The following GREB1 variants were observed in gnomAD, a reference collection of about 807,000 sequenced individuals.
The protein encoded by GREB1 is protein GREB1.
A neutral mutation model predicts 200.7 loss-of-function variants in GREB1; 106 were observed. That is an observed-to-expected ratio of 0.53 (90% CI 0.45 to 0.62). The LOEUF (loss-of-function observed/expected upper bound fraction) is 0.62. Among genes scored for constraint, GREB1 ranks in the 20% least tolerant of loss-of-function variants. GREB1 has a pLI of 0.00. For synonymous variants in GREB1, 1,132 were observed against 1,092.4 expected (o/e 1.04, Z -0.72); for missense variants, 2,243 against 2,556.8 (o/e 0.88, Z 2.65).
Position 11,595,231 on chromosome 2 carries a change from G to A in GREB1, c.1697-20G>A, listed in dbSNP as rs1350386759. 6.2e-7 allele frequency: 1 copy of A among 1,606,238 alleles called. No individual in the cohort carries two copies. Among genetic ancestry groups the A allele is most frequent in the Non-Finnish European group, 8.5e-7 (1 of 1,175,502 alleles). On this transcript the variant is annotated intron_variant, in intron 11 of 32. Coordinates refer to ENST00000381486, the MANE Select transcript of GREB1 (RefSeq NM_014668.4). ...GCAGGGAAGATACAATGGGTACTGT[G>A]AAATCTGTTTGCTTTCCAGGAAAAT...
At chr2:11,523,101 A>G (rs959244339) in intron 1 of GREB1, among the ~76,000 whole-genome samples, 1 of 152,244 alleles carries the variant, frequency 6.6e-6, no homozygotes, top group Non-Finnish European at 1.5e-5. Context: ...GCTGGAGGCC[A>G]TTATCCTTAG....
At chr2:11,525,271 G>A (rs889662473) in intron 1 of GREB1, among the ~76,000 whole-genome samples, 2 of 152,094 alleles carry the variant, frequency 1.3e-5, no homozygotes, top group Non-Finnish European at 2.9e-5. Context: ...TCAGGAGGCC[G>A]AAGGGGGTGG....
At chr2:11,506,564 C>T (rs1360953799) in intron 1 of GREB1, among the ~76,000 whole-genome samples, 1 of 152,176 alleles carries the variant, frequency 6.6e-6, no homozygotes, top group East Asian at 1.9e-4. Flanking sequence ...TTCTATTAGA[C>T]CATCTGCCTT....
intron 1 of GREB1, among the ~76,000 whole-genome samples, chr2:11,500,796 T>C (rs149743503): frequency 6.4e-4 from 98 of 152,334 alleles, no homozygotes; most frequent in African/African-American, 2.3e-3. Flanking sequence ...ACTTTACATA[T>C]TGACAGCAGG....
rs1048296139 is a variant in GREB1 at position 11,600,851 on chromosome 2, G to A, written c.2385G>A (p.Val795=). ...YSQSDPSVGL[V]DRLLNCREVK... is the part of the protein sequence containing the mutation. The stretch of plus-strand genomic sequence containing the variant: ...AAAGTGACCCGTCGGTGGGATTGGT[G>A]GACCGATTGCTCAACTGCAGGGAGG... The change falls in exon 16 of 33, where the codon GTG becomes GTA. Residue 795 remains valine (V), a synonymous_variant. Transcript: ENST00000381486. The A allele has an allele frequency of 1.9e-6, 3 of 1,614,004 alleles. No homozygotes were observed. The African/African-American group carries it at 4.0e-5, about 22-fold the overall frequency.
chr2:11,611,191 C>T (rs1490852182), intron 18 of GREB1, among the ~76,000 whole-genome samples, 164 bp downstream of exon 18: 1 of 152,146 alleles, frequency 6.6e-6, no homozygotes, highest in Non-Finnish European at 1.5e-5. Context: ...CACCTCTGCC[C>T]TCCGCCCCAG....
rs534762652 is a variant in GREB1 at position 11,574,952 on chromosome 2, G to T, written c.455-1401G>T. Among the ~76,000 whole-genome samples, 15 of 152,372 alleles carry T rather than the reference G, an allele frequency of 9.8e-5. No individual in the cohort carries two copies. In the South Asian group the frequency reaches 3.1e-3, roughly 32 times the overall value. Reference sequence around the variant, plus strand: ...GTCCTATGGCGAGGCCAAGAGATCTGTCCTTATTTCTAACGCCTTTTGAGA... The same window carrying T: ...GTCCTATGGCGAGGCCAAGAGATCTTTCCTTATTTCTAACGCCTTTTGAGA... On this transcript the variant is annotated intron_variant, in intron 4 of 32. Coordinates refer to ENST00000381486, the MANE Select transcript of GREB1 (RefSeq NM_014668.4).
At chr2:11,514,043 C>T (rs1226781729) in intron 1 of GREB1, among the ~76,000 whole-genome samples, 1 of 152,116 alleles carries the variant, frequency 6.6e-6, no homozygotes, top group Non-Finnish European at 1.5e-5. Flanking sequence ...TGGATCAGTG[C>T]AGAGAGGATG....
At chr2:11,554,016 C>T (rs548156082) in intron 1 of GREB1, among the ~76,000 whole-genome samples, 15 of 152,296 alleles carry the variant, frequency 9.8e-5, no homozygotes, top group Non-Finnish European at 1.6e-4. Context: ...TTGGTGGCAG[C>T]TTTAAACACA....
chr2:11,586,828 G>A lies in GREB1; in HGVS notation c.1159+923G>A, dbSNP rs922804827. ...CTCTGAGTTTCGACCTTAGCATGACGCAGGACCAATGACCGAGGCAGTTCC... is the reference window on the plus strand; with the variant it reads ...CTCTGAGTTTCGACCTTAGCATGACACAGGACCAATGACCGAGGCAGTTCC... On this transcript the variant is annotated intron_variant, in intron 9 of 32. Coordinates refer to ENST00000381486, the MANE Select transcript of GREB1 (RefSeq NM_014668.4). 3.3e-5 allele frequency among the ~76,000 whole-genome samples: 5 copies of A among 151,286 alleles called. No homozygotes were observed. The East Asian group carries it at 5.8e-4, about 17-fold the overall frequency.
At chr2:11,585,662 T>C in intron 8 of GREB1, 100 bp from the exon 9 acceptor site, 1 of 1,315,604 alleles carries the variant, frequency 7.6e-7, no homozygotes. Context: ...TCAGGGACGT[T>C]GGTCAGAGGG....
chr2:11,593,886 G>C (rs923231499), intron 11 of GREB1, among the ~76,000 whole-genome samples: 1 of 152,198 alleles, frequency 6.6e-6, no homozygotes, highest in African/African-American at 2.4e-5. Context: ...TCTTTTAGGT[G>C]GGGGAGGCAG....
chr2:11,596,751 TG>T (rs1296832443), intron 13 of GREB1, among the ~76,000 whole-genome samples: 3 of 12,298 alleles, frequency 2.4e-4, no homozygotes, highest in African/African-American at 3.4e-4. Flanking sequence ...TGAGAGGGGG[TG>T]GGGGCGCAGG....
At chr2:11,639,215 G>A (rs534255207) in intron 32 of GREB1, among the ~76,000 whole-genome samples, 14 of 152,212 alleles carry the variant, frequency 9.2e-5, no homozygotes, top group African/African-American at 2.4e-4. Flanking sequence ...TCAGCCTCCC[G>A]AGTATCTGGG....
chr2:11,567,629 C>T (rs1247102314), intron 4 of GREB1, among the ~76,000 whole-genome samples: 1 of 152,188 alleles, frequency 6.6e-6, no homozygotes, highest in Non-Finnish European at 1.5e-5. Flanking sequence ...TTCCAGCCAC[C>T]GGCACCACTA....
In GREB1 at chr2:11,492,539, G is replaced by T. The variant is rs1206867704; in HGVS notation, c.-159+10158G>T. Among the ~76,000 whole-genome samples the T allele has an allele frequency of 6.6e-6, 1 of 152,186 alleles. No individual in the cohort carries two copies. Among genetic ancestry groups the T allele is most frequent in the East Asian group, 1.9e-4 (1 of 5,188 alleles). ...TGCTGTGAGAAGTTTGGGATGAGGG[G>T]TGGGTTTCTGTGAGACCCTGACCTG... On this transcript the variant is annotated intron_variant, in intron 1 of 2. Coordinates refer to the GREB1 transcript ENST00000628795. This position sits in a 1 kb window ranked among gnomAD's most constrained non-coding sequence, Gnocchi z 4.0.
chr2:11,521,392 G>T (rs1673699768), intron 1 of GREB1, among the ~76,000 whole-genome samples: 1 of 152,204 alleles, frequency 6.6e-6, no homozygotes, highest in Non-Finnish European at 1.5e-5. Flanking sequence ...GTACAGGCAT[G>T]AACCATTGTG....
Position 11,562,564 on chromosome 2 carries a change from G to C in GREB1, c.259G>C (p.Gly87Arg). Residue 87 changes from glycine (G) to arginine (R), a missense_variant, in exon 3 of 33, where the codon GGA becomes CGA. This residue lies in a region of GREB1 where 1,178 missense variants were observed against 1,387.4 expected (regional missense o/e 0.85). Coordinates refer to ENST00000381486, the MANE Select transcript of GREB1 (RefSeq NM_014668.4). ...NPFQLHPLPE[G>R]CCTTDGFCQA... is the part of the protein sequence containing the mutation. ...TTTCCAGCTGCACCCTCTGCCTGAA[G>C]GATGCTGTACCACAGACGGTGAGCC... is the stretch of plus-strand genomic sequence containing the variant. 1 of 1,599,602 alleles carries C rather than the reference G, an allele frequency of 6.3e-7. No individual in the cohort carries two copies. The highest frequency in any genetic ancestry group is 1.4e-5 in the African/African-American group (1 of 73,704).
chr2:11,634,747 A>T (rs912416868), intron 29 of GREB1, among the ~76,000 whole-genome samples: 1 of 152,192 alleles, frequency 6.6e-6, no homozygotes, highest in Non-Finnish European at 1.5e-5. Flanking sequence ...TCCACTGGGC[A>T]GTGGACCACG....
Sources: allele counts gnomAD v4.1 joint callset (sites outside exome capture counted in the v4.1 genomes callset), GRCh38; gene constraint gnomAD v4.1.1; regional missense constraint gnomAD v4.1.1; non-coding constraint Gnocchi (gnomAD v3.1); transcripts MANE v1.5; gene names NCBI Gene and HGNC (gene_info 2026-07-23, HGNC 2026-07-21).